PRELID2: variants seen among roughly 807,000 people sequenced by gnomAD.
PRELID2 encodes the protein PRELI domain containing 2, also known as PRELI domain-containing protein 2.
PRELID2 carries 25 observed loss-of-function variants against 28.4 expected under a neutral mutation model. That is an observed-to-expected ratio of 0.88 (90% confidence interval 0.64 to 1.23). The LOEUF is 1.23. PRELID2 is among the 50% of genes most tolerant of loss of function. The pLI is 0.00. For synonymous variants in PRELID2, 76 were observed against 71.6 expected (o/e 1.06, Z -0.31); for missense variants, 201 against 214.4 (o/e 0.94, Z 0.39).
chr5:145,650,009 C>G (rs1007957267), intron 1 of PRELID2, among the ~76,000 whole-genome samples: 3 of 152,188 alleles, frequency 2.0e-5, no homozygotes, highest in Non-Finnish European at 2.9e-5. Flanking sequence ...ATCTGAGACT[C>G]TGAAGGATGT....
At chr5:145,350,736 T>C in the PRELID2 span, among the ~76,000 whole-genome samples, 1 of 152,160 alleles carries the variant, frequency 6.6e-6, no homozygotes, top group Non-Finnish European at 1.5e-5. Context: ...GCTGAGATGA[T>C]TCAGGGGCTG....
intron 1 of PRELID2, among the ~76,000 whole-genome samples, chr5:145,569,693 G>A (rs1001495982): frequency 2.0e-5 from 3 of 152,192 alleles, no homozygotes. Flanking sequence ...AGTATTTGTT[G>A]AATATTTATT....
chr5:145,778,283 C>G (rs1006860198), intron 5 of PRELID2, among the ~76,000 whole-genome samples: 1 of 152,058 alleles, frequency 6.6e-6, no homozygotes, highest in Non-Finnish European at 1.5e-5. Context: ...CACTCCAGAG[C>G]CTCCTCTCTG....
chr5:145,670,615 G>C (rs1581042684), intron 1 of PRELID2, among the ~76,000 whole-genome samples: 1 of 152,086 alleles, frequency 6.6e-6, no homozygotes, highest in Admixed American at 6.6e-5. Context: ...ACTCTCCATT[G>C]CCTTAGCCTC....
the PRELID2 span, among the ~76,000 whole-genome samples, chr5:145,322,356 C>T: frequency 6.6e-6 from 1 of 152,150 alleles, no homozygotes; most frequent in Admixed American, 6.5e-5. Flanking sequence ...ACACTGAAAA[C>T]TTGGTTAGCT....
intron 1 of PRELID2, among the ~76,000 whole-genome samples, chr5:145,605,161 A>G (rs1451746093): frequency 1.3e-5 from 2 of 151,936 alleles, no homozygotes; most frequent in African/African-American, 4.8e-5. Context: ...TGCTGTGCAG[A>G]AGCCCTTTCA....
At chr5:145,360,866 T>C in the PRELID2 span, among the ~76,000 whole-genome samples, 2 of 152,192 alleles carry the variant, frequency 1.3e-5, no homozygotes, top group Non-Finnish European at 1.5e-5. Flanking sequence ...AGCTGGCATA[T>C]AAGTAAATAA....
intron 1 of PRELID2, among the ~76,000 whole-genome samples, chr5:145,551,576 AT>A (rs1335511896): frequency 4.6e-5 from 7 of 152,174 alleles, no homozygotes; most frequent in African/African-American, 7.2e-5. Flanking sequence ...AATTAAAAAA[AT>A]TTACCTTTGA....
At chr5:145,715,357 T>C (rs747596977) in intron 1 of PRELID2, among the ~76,000 whole-genome samples, 1 of 152,138 alleles carries the variant, frequency 6.6e-6, no homozygotes, top group Non-Finnish European at 1.5e-5. Flanking sequence ...CCATTTCTCC[T>C]CTTTACTTCT....
At chr5:145,817,434 T>TTTATATATATATATATATATATAA (rs1554099454) in intron 4 of PRELID2, among the ~76,000 whole-genome samples, 1 of 135,614 alleles carries the variant, frequency 7.4e-6, no homozygotes, top group Non-Finnish European at 1.6e-5. Flanking sequence ...TATATATATA[T>TTTATATATATATATATATATATAA]ATATATATAT....
At position 145,826,062 on chromosome 5, in the gene PRELID2, A is replaced by G. The variant is rs557082927; in HGVS notation, c.76-2928T>C. ...ACCTTTTCAAACACAATCCAGTATG[A>G]CTGCAGAATTGATCAAGCTGAATCA... On this transcript the variant is annotated intron_variant, in intron 1 of 6. Transcript: ENST00000683046. 217 of 985,408 alleles carry G rather than the reference A, an allele frequency of 2.2e-4. No individual in the cohort carries two copies. The African/African-American group carries it at 3.5e-3, about 16-fold the overall frequency. 61.0% of individuals were successfully genotyped at this position (985,408 alleles called of 1,614,324 possible).
chr5:145,335,246 A>G, the PRELID2 span, among the ~76,000 whole-genome samples: 1 of 151,636 alleles, frequency 6.6e-6, no homozygotes, highest in East Asian at 1.9e-4. Flanking sequence ...CTTGAGTCTG[A>G]TGTTGAAGCT....
At chr5:145,531,530 T>G (rs1474034251) in intron 1 of PRELID2, among the ~76,000 whole-genome samples, 2 of 152,144 alleles carry the variant, frequency 1.3e-5, no homozygotes, top group Admixed American at 6.5e-5. Flanking sequence ...TCACTGAAAG[T>G]ATGATTCACC....
rs149258549 is a variant in PRELID2 at position 145,650,963 on chromosome 5, G to A, written n.70+113968C>T. Among the ~76,000 whole-genome samples, 329 of 152,234 alleles carry A rather than the reference G, an allele frequency of 2.2e-3. 11 individuals carry two copies. In the East Asian group the frequency reaches 0.05, roughly 23 times the overall value. On this transcript the variant is annotated intron_variant and non_coding_transcript_variant, in intron 1 of 2. Transcript: ENST00000510259. ...GTGAGCCAAAGCAGGGCGAGGCATC[G>A]CCTCACCTGGGAAGCACAAAGGGTC...
chr5:145,578,318 T>C (rs1411984046), intron 1 of PRELID2, among the ~76,000 whole-genome samples: 12 of 152,248 alleles, frequency 7.9e-5, no homozygotes, highest in Non-Finnish European at 2.9e-5. Flanking sequence ...AACTTTCACT[T>C]AGAAAATGTG....
At chr5:145,692,393 C>A (rs1755169130) in intron 1 of PRELID2, among the ~76,000 whole-genome samples, 1 of 151,996 alleles carries the variant, frequency 6.6e-6, no homozygotes, top group Non-Finnish European at 1.5e-5. Flanking sequence ...CACACATACC[C>A]CCTAGGCCTC....
At chr5:145,787,438 C>T (rs1328248257) in intron 5 of PRELID2, among the ~76,000 whole-genome samples, 1 of 152,118 alleles carries the variant, frequency 6.6e-6, no homozygotes, top group African/African-American at 2.4e-5. Flanking sequence ...TTTCACTTCA[C>T]ACGGAAGATG....
At chr5:145,643,355 T>C (rs1029873851) in intron 1 of PRELID2, among the ~76,000 whole-genome samples, 16 of 152,216 alleles carry the variant, frequency 1.1e-4, no homozygotes, top group African/African-American at 3.6e-4. Flanking sequence ...TTTTTGCACA[T>C]TGATTTTGTA....
intron 1 of PRELID2, among the ~76,000 whole-genome samples, chr5:145,831,028 C>T (rs1002876564): frequency 2.0e-5 from 3 of 152,014 alleles, no homozygotes; most frequent in East Asian, 3.9e-4. Context: ...ATATGATTGT[C>T]GCTTCTGCCA....
Sources: allele counts gnomAD v4.1 joint callset (sites outside exome capture counted in the v4.1 genomes callset), GRCh38; gene constraint gnomAD v4.1.1; transcripts MANE v1.5; gene names NCBI Gene and HGNC (gene_info 2026-07-23, HGNC 2026-07-21).